Variants in FARS2 observed in about 807,000 individuals in gnomAD.
FARS2 encodes phenylalanyl-tRNA synthetase 2, mitochondrial, also known as phenylalanine--tRNA ligase, mitochondrial.
A neutral mutation model predicts 46.4 loss-of-function variants in FARS2; 40 were observed. The observed-to-expected ratio is 0.86, with a 90% CI of 0.67 to 1.12. The LOEUF is 1.12. Among genes scored for constraint, FARS2 ranks in the 50% most tolerant of loss-of-function variants. The pLI is 0.00. For missense variants in FARS2, 513 were observed against 567.9 expected, an observed-to-expected ratio of 0.90 and a Z score of 0.98; for synonymous variants, 234 against 214.9, an observed-to-expected ratio of 1.09 and a Z score of -0.78.
intron 4 of FARS2, among the ~76,000 whole-genome samples, chr6:5,504,059 A>G (rs1308246952): frequency 6.6e-6 from 1 of 152,220 alleles, no homozygotes; most frequent in Non-Finnish European, 1.5e-5. Flanking sequence ...GCTAGAAGAT[A>G]TTGCCGTATT....
intron 4 of FARS2, among the ~76,000 whole-genome samples, chr6:5,492,885 C>A (rs1462113861): frequency 6.6e-6 from 1 of 152,240 alleles, no homozygotes; most frequent in African/African-American, 2.4e-5. Context: ...CCTGCCCTGC[C>A]ACCCACCACT....
At chr6:5,653,314 T>C (rs1158086147) in intron 6 of FARS2, among the ~76,000 whole-genome samples, 1 of 152,224 alleles carries the variant, frequency 6.6e-6, no homozygotes. Flanking sequence ...AAAAGTACAC[T>C]GATCTACTGT....
intron 1 of FARS2, among the ~76,000 whole-genome samples, chr6:5,324,555 C>G (rs1258624599): frequency 6.9e-6 from 1 of 145,670 alleles, no homozygotes; most frequent in African/African-American, 2.5e-5. Context: ...TATTTTCTCA[C>G]TTATTGGTCT....
At chr6:5,620,943 T>C (rs1028211069) in intron 6 of FARS2, among the ~76,000 whole-genome samples, 1 of 152,254 alleles carries the variant, frequency 6.6e-6, no homozygotes, top group Non-Finnish European at 1.5e-5. Context: ...CTCTTTCACC[T>C]GAACTACGTA....
chr6:5,623,489 G>A lies in FARS2; in HGVS notation c.1217+10169G>A, dbSNP rs936177444. On this transcript the variant is annotated intron_variant, in intron 6 of 6. Transcript: ENST00000274680. Reference sequence around the variant, plus strand: ...AGCACTTTTGGAGGCTAGGGCAGGCGGATCACGAGGTCAGGAGTTTGAGAC... The same window carrying A: ...AGCACTTTTGGAGGCTAGGGCAGGCAGATCACGAGGTCAGGAGTTTGAGAC... Among the ~76,000 whole-genome samples, 38 of 152,270 alleles carry A rather than the reference G, an allele frequency of 2.5e-4. No individual in the cohort carries two copies. The East Asian group carries it at 5.4e-3, about 22-fold the overall frequency.
rs1762656904 is a variant in FARS2, at chr6:5,764,642, C to A, written c.1218-6649C>A. ...GCAGTGACTGCTGGTCATATGTGAT[C>A]TATTCTGGGAGGTGTTGAGCGCACC... On this transcript the variant is annotated intron_variant, in intron 6 of 6. Coordinates refer to ENST00000274680, the MANE Select transcript of FARS2 (RefSeq NM_006567.5). This position sits in a 1 kb window ranked among gnomAD's most constrained non-coding sequence, Gnocchi z 4.1. 6.6e-6 allele frequency among the ~76,000 whole-genome samples: 1 copy of A among 152,166 alleles called. No homozygotes were observed. The highest frequency in any genetic ancestry group is 2.1e-4 in the South Asian group (1 of 4,824).
intron 3 of FARS2, 127 bp from the exon 4 acceptor site, chr6:5,430,914 G>A: frequency 1.1e-6 from 1 of 923,254 alleles, no homozygotes; most frequent in South Asian, 1.9e-5. Context: ...TTGCAAATTA[G>A]TTTATTTGCT....
intron 6 of FARS2, among the ~76,000 whole-genome samples, chr6:5,671,563 T>A (rs1778465316): frequency 6.6e-6 from 1 of 152,194 alleles, no homozygotes; most frequent in South Asian, 2.1e-4. Context: ...CGTGCCCCAT[T>A]TCCACTCAAC....
intron 2 of FARS2, among the ~76,000 whole-genome samples, chr6:5,403,760 C>G (rs1463672685): frequency 2.0e-5 from 3 of 152,206 alleles, no homozygotes; most frequent in Middle Eastern, 6.8e-3. Flanking sequence ...ATGATACATT[C>G]ATTTGCTCAG....
At chr6:5,372,459 T>G (rs1759121971) in intron 2 of FARS2, among the ~76,000 whole-genome samples, 1 of 152,162 alleles carries the variant, frequency 6.6e-6, no homozygotes, top group South Asian at 2.1e-4. Flanking sequence ...AAAAATTACT[T>G]ATGCATTACT....
chr6:5,667,279 G>T (rs1352200286), intron 6 of FARS2, among the ~76,000 whole-genome samples: 1 of 152,122 alleles, frequency 6.6e-6, no homozygotes, highest in African/African-American at 2.4e-5. Flanking sequence ...CAGCCCTTTG[G>T]GGGGCCAAGG....
chr6:5,447,436 G>T (rs1304508759), intron 4 of FARS2, among the ~76,000 whole-genome samples: 1 of 152,166 alleles, frequency 6.6e-6, no homozygotes, highest in Non-Finnish European at 1.5e-5. Flanking sequence ...AAGAATTGTA[G>T]GTGAATTCCA....
chr6:5,515,596 T>C (rs1768737309), intron 4 of FARS2, among the ~76,000 whole-genome samples: 1 of 152,104 alleles, frequency 6.6e-6, no homozygotes, highest in African/African-American at 2.4e-5. Flanking sequence ...GCCCAACTAA[T>C]TTTTGTATTT....
chr6:5,539,866 G>T (rs750153339), intron 4 of FARS2, among the ~76,000 whole-genome samples: 97 of 152,018 alleles, frequency 6.4e-4, no homozygotes, highest in Non-Finnish European at 1.0e-3. Flanking sequence ...GCCTCCCCTC[G>T]CCGTGTTCTG....
intron 2 of FARS2, 127 bp downstream of exon 2, chr6:5,369,309 TC>T: frequency 1.1e-6 from 1 of 915,242 alleles, no homozygotes; most frequent in Non-Finnish European, 1.6e-6. Context: ...TAGTGAATCA[TC>T]CATACTTAAT....
At chr6:5,450,541 G>A (rs755236320) in intron 4 of FARS2, among the ~76,000 whole-genome samples, 4 of 151,982 alleles carry the variant, frequency 2.6e-5, no homozygotes, top group Admixed American at 6.6e-5. Flanking sequence ...CCTTATTTAC[G>A]GATACAGAAA....
intron 4 of FARS2, among the ~76,000 whole-genome samples, chr6:5,444,696 T>C (rs1004117878): frequency 2.0e-5 from 3 of 152,126 alleles, no homozygotes; most frequent in African/African-American, 4.8e-5. Flanking sequence ...ATAAATTAGA[T>C]GGATGGCTGT....
At chr6:5,279,313 G>A (rs1341160782) in intron 1 of FARS2, among the ~76,000 whole-genome samples, 1 of 147,652 alleles carries the variant, frequency 6.8e-6, no homozygotes, top group Non-Finnish European at 1.5e-5. Context: ...GGAGGCGGAG[G>A]TTGCAGTGAG....
intron 6 of FARS2, among the ~76,000 whole-genome samples, chr6:5,738,498 C>G (rs1451219906): frequency 1.3e-5 from 2 of 150,156 alleles, no homozygotes; most frequent in African/African-American, 5.1e-5. Flanking sequence ...CAGAGAGCAT[C>G]ATCATTTCTT....
Sources: gnomAD v4.1 joint callset for allele counts (sites outside exome capture counted in the v4.1 genomes callset) on GRCh38, gnomAD v4.1.1 for gene constraint, Gnocchi (gnomAD v3.1) non-coding constraint, MANE v1.5 for transcripts, NCBI Gene and HGNC (gene_info 2026-07-23, HGNC 2026-07-21) for gene names.